DPYD: variants seen among roughly 807,000 people sequenced by gnomAD.
The protein encoded by DPYD is dihydropyrimidine dehydrogenase, also known as dihydropyrimidine dehydrogenase [NADP(+)].
DPYD carries 109 observed loss-of-function variants against 116.2 expected under a neutral mutation model. The ratio of observed to expected loss-of-function variants is 0.94; its 90% confidence interval spans 0.80 to 1.10. DPYD has a LOEUF of 1.10. DPYD is among the 50% of genes least tolerant of loss of function. DPYD has a pLI of 0.00. For missense variants in DPYD, 1,302 were observed against 1,254.5 expected (o/e 1.04, Z -0.57); for synonymous variants, 440 against 432.0 (o/e 1.02, Z -0.23).
intron 13 of DPYD, among the ~76,000 whole-genome samples, chr1:97,474,290 T>C (rs1275723206): frequency 6.6e-6 from 1 of 152,040 alleles, no homozygotes; most frequent in African/African-American, 2.4e-5. Context: ...ATATAAATAT[T>C]AACACAATGA....
At chr1:97,504,119 C>T (rs1679750957) in intron 13 of DPYD, among the ~76,000 whole-genome samples, 1 of 151,958 alleles carries the variant, frequency 6.6e-6, no homozygotes, top group South Asian at 2.1e-4. Flanking sequence ...TTGGAGCATG[C>T]TTCTGGGATT....
chr1:97,244,096 T>C lies in DPYD; in HGVS notation c.2300-9102A>G, dbSNP rs777476471. On this transcript the variant is annotated intron_variant, in intron 18 of 22. Coordinates refer to ENST00000370192, the MANE Select transcript of DPYD (RefSeq NM_000110.4). ...AGAGAGAAAAATATATGGCATTTAC[T>C]AGGCATAATTAGTCTATATGTATGT... is the stretch of plus-strand genomic sequence containing the variant. Among the ~76,000 whole-genome samples, 56 of 152,114 alleles carry C rather than the reference T, an allele frequency of 3.7e-4. 1 individual carries two copies. The highest frequency in any genetic ancestry group is 2.7e-3 in the Admixed American group (41 of 15,252).
intron 10 of DPYD, among the ~76,000 whole-genome samples, chr1:97,578,540 C>T (rs1653428981): frequency 6.6e-6 from 1 of 152,076 alleles, no homozygotes; most frequent in Non-Finnish European, 1.5e-5. Flanking sequence ...GCCAAAAATA[C>T]ACTAAGGGAT....
At chr1:97,231,515 C>G (rs1661587039) in intron 19 of DPYD, among the ~76,000 whole-genome samples, 1 of 152,056 alleles carries the variant, frequency 6.6e-6, no homozygotes, top group East Asian at 1.9e-4. Flanking sequence ...AGGGGAACTC[C>G]CCTTTATAAA....
At chr1:97,231,514 C>G (rs1410896840) in intron 19 of DPYD, among the ~76,000 whole-genome samples, 4 of 152,092 alleles carry the variant, frequency 2.6e-5, no homozygotes, top group Admixed American at 2.6e-4. Flanking sequence ...CAGGGGAACT[C>G]CCCTTTATAA....
chr1:97,368,938 C>A (rs967793869), intron 16 of DPYD, among the ~76,000 whole-genome samples: 1 of 152,090 alleles, frequency 6.6e-6, no homozygotes, highest in Non-Finnish European at 1.5e-5. Flanking sequence ...TTTTTTGCCA[C>A]CTATTGTTGG....
At chr1:97,799,953 T>C (rs1443857489) in intron 3 of DPYD, among the ~76,000 whole-genome samples, 1 of 151,938 alleles carries the variant, frequency 6.6e-6, no homozygotes, top group African/African-American at 2.4e-5. Flanking sequence ...ACTTGTTCAA[T>C]TCCCCCATTA....
At chr1:97,323,350 GTATATGTACACGTATGTA>G (rs1668448375) in intron 16 of DPYD, among the ~76,000 whole-genome samples, 1 of 128,982 alleles carries the variant, frequency 7.8e-6, no homozygotes, top group African/African-American at 2.9e-5. Flanking sequence ...ATATACATGT[GTATATGTACACGTATGTA>G]TACATGTGTA....
At chr1:97,738,703 T>C (rs1377359193) in intron 4 of DPYD, among the ~76,000 whole-genome samples, 9 of 152,024 alleles carry the variant, frequency 5.9e-5, no homozygotes, top group Non-Finnish European at 1.2e-4. Flanking sequence ...TTTTTTTTTT[T>C]TTGAGGTTTG....
At chr1:97,855,139 T>C (rs1000199809) in intron 2 of DPYD, 1 of 152,244 alleles carries the variant, frequency 6.6e-6, no homozygotes, top group African/African-American at 2.4e-5. Context: ...CAGGCACTTG[T>C]TCGGTTCAGA....
rs534127757 is a variant in DPYD at position 97,773,464 on chromosome 1, T to A, written c.234-32985A>T. ...CCCTCGGGCCTGTGGCCCACGGACC[T>A]AAGTGAGAACAGCACTCCTATTTTC... On this transcript the variant is annotated intron_variant, in intron 3 of 22. Coordinates refer to ENST00000370192, the MANE Select transcript of DPYD (RefSeq NM_000110.4). Among the ~76,000 whole-genome samples the A allele has an allele frequency of 2.6e-5, 4 of 152,300 alleles. No individual in the cohort carries two copies. The South Asian group carries it at 8.3e-4, about 32-fold the overall frequency.
At chr1:97,505,061 C>T (rs1175553539) in intron 13 of DPYD, among the ~76,000 whole-genome samples, 1 of 151,756 alleles carries the variant, frequency 6.6e-6, no homozygotes, top group African/African-American at 2.4e-5. Context: ...GTCTCCTTAC[C>T]GATAAAGAAT....
chr1:97,497,827 A>C (rs1679355653), intron 13 of DPYD, among the ~76,000 whole-genome samples: 1 of 151,762 alleles, frequency 6.6e-6, no homozygotes, highest in South Asian at 2.1e-4. Flanking sequence ...TCCACTCCTA[A>C]CTATATTCCA....
chr1:97,104,765 G>A (rs906207638), intron 20 of DPYD, among the ~76,000 whole-genome samples: 10 of 152,086 alleles, frequency 6.6e-5, no homozygotes, highest in Middle Eastern at 3.2e-3. Flanking sequence ...CTGTTCCATC[G>A]TTCATAAGCT....
At chr1:97,824,849 T>C (rs1047269178) in intron 3 of DPYD, among the ~76,000 whole-genome samples, 11 of 152,228 alleles carry the variant, frequency 7.2e-5, no homozygotes, top group African/African-American at 9.6e-5. Flanking sequence ...CAATGCACTA[T>C]TCTTGGAAAT....
intron 14 of DPYD, among the ~76,000 whole-genome samples, chr1:97,426,957 G>A (rs894011984): frequency 6.6e-6 from 1 of 152,002 alleles, no homozygotes; most frequent in Admixed American, 6.6e-5. Context: ...TTTATCTGAT[G>A]TCTCTGCAAA....
chr1:97,668,701 G>T (rs1462432085), intron 8 of DPYD, among the ~76,000 whole-genome samples: 1 of 151,770 alleles, frequency 6.6e-6, no homozygotes, highest in Non-Finnish European at 1.5e-5. Flanking sequence ...GACAAAAGAA[G>T]GGCTATTTTT....
chr1:97,241,921 G>A (rs1662360387), intron 18 of DPYD, among the ~76,000 whole-genome samples: 1 of 150,998 alleles, frequency 6.6e-6, no homozygotes, highest in South Asian at 2.1e-4. Flanking sequence ...ACACATATAA[G>A]GATAAACACT....
chr1:97,141,528 C>T (rs903979815), intron 20 of DPYD, among the ~76,000 whole-genome samples: 5 of 152,144 alleles, frequency 3.3e-5, no homozygotes, highest in African/African-American at 1.2e-4. Context: ...AAGGTCCATA[C>T]TCACTGCTGT....
Sources: allele counts gnomAD v4.1 joint callset (sites outside exome capture counted in the v4.1 genomes callset), GRCh38; gene constraint gnomAD v4.1.1; transcripts MANE v1.5; gene names NCBI Gene and HGNC (gene_info 2026-07-23, HGNC 2026-07-21).